PCSK5: variants seen among roughly 807,000 people sequenced by gnomAD.
The protein encoded by PCSK5 is proprotein convertase subtilisin/kexin type 5.
In PCSK5, 129 loss-of-function variants were observed where a neutral mutation model predicts 233.2. That is an observed-to-expected ratio of 0.55 (90% CI 0.48 to 0.64). The LOEUF is 0.64. Ranked by LOEUF, PCSK5 falls within the 30% of genes least tolerant of loss-of-function variation. The probability of loss-of-function intolerance (pLI) is 0.00; values close to 1 mark genes in which losing one functional copy is unlikely to be tolerated. For synonymous variants in PCSK5, 825 were observed against 879.2 expected (o/e 0.94, Z 1.09); for missense variants, 2,076 against 2,430.1 (o/e 0.85, Z 3.06).
At chr9:76,081,393 G>A (rs147705233) in intron 7 of PCSK5, among the ~76,000 whole-genome samples, 3,468 of 152,176 alleles carry the variant, frequency 0.023, 58 homozygotes, top group Non-Finnish European at 0.033. Context: ...GGCAGAGTTT[G>A]CAGTGAGTTG....
At chr9:76,357,303 G>A (rs1176633800) in intron 37 of PCSK5, among the ~76,000 whole-genome samples, 3 of 152,138 alleles carry the variant, frequency 2.0e-5, no homozygotes, top group Non-Finnish European at 2.9e-5. Context: ...GATCACCTGA[G>A]GTCAGGAATT....
intron 24 of PCSK5, among the ~76,000 whole-genome samples, chr9:76,289,022 G>C (rs1208576183): frequency 1.3e-5 from 2 of 152,180 alleles, no homozygotes; most frequent in Admixed American, 6.5e-5. Context: ...CCATGGGACA[G>C]TGAGTTCGTG....
In PCSK5 at chr9:75,891,092, C is replaced by G. The variant is rs1415188580; in HGVS notation, c.-90C>G. ...AGCTGCGGCGGCCCGGGGCTGCTCG[C>G]CGGGCGGCGCAGGCCGGAGAAGTTA... is the stretch of plus-strand genomic sequence containing the variant. On this transcript the variant is annotated 5_prime_UTR_variant, in exon 1 of 38. Coordinates refer to ENST00000674117, the MANE Select transcript of PCSK5 (RefSeq NM_001372043.1). 2.3e-5 allele frequency: 28 copies of G among 1,240,586 alleles called. No individual in the cohort carries two copies. Among genetic ancestry groups the G allele is most frequent in the Non-Finnish European group, 2.8e-5 (27 of 962,270 alleles). 76.8% of individuals were successfully genotyped at this position (1,240,586 alleles called of 1,614,324 possible). A position where few individuals can be genotyped will look rare whatever the true frequency, so the allele number is the denominator to read the frequency against.
chr9:76,324,388 A>G (rs1587329871), intron 32 of PCSK5, among the ~76,000 whole-genome samples: 2 of 149,388 alleles, frequency 1.3e-5, no homozygotes, highest in East Asian at 4.0e-4. Flanking sequence ...CTGCCACCAC[A>G]CCTAGCTAAT....
At chr9:76,187,194 C>CAATT (rs1415227188) in intron 17 of PCSK5, among the ~76,000 whole-genome samples, 1 of 152,020 alleles carries the variant, frequency 6.6e-6, no homozygotes, top group East Asian at 1.9e-4. Context: ...ACAAAGCAGT[C>CAATT]AATTAAGATG....
At chr9:76,049,221 A>G (rs991307313) in intron 5 of PCSK5, among the ~76,000 whole-genome samples, 7 of 152,324 alleles carry the variant, frequency 4.6e-5, no homozygotes, top group African/African-American at 1.7e-4. Flanking sequence ...TCCTGCTCAT[A>G]AGCTCATGCA....
At chr9:75,982,190 A>G (rs1259626560) in intron 2 of PCSK5, among the ~76,000 whole-genome samples, 2 of 152,118 alleles carry the variant, frequency 1.3e-5, no homozygotes, top group Non-Finnish European at 2.9e-5. Flanking sequence ...ATTGTACTTT[A>G]CTCCATCATA....
chr9:76,010,770 G>C (rs1827697355), intron 3 of PCSK5, among the ~76,000 whole-genome samples: 1 of 152,194 alleles, frequency 6.6e-6, no homozygotes, highest in Non-Finnish European at 1.5e-5. Flanking sequence ...AACATGCTTG[G>C]AAAACTATGT....
At chr9:76,137,377 G>A (rs542629907) in intron 10 of PCSK5, among the ~76,000 whole-genome samples, 1 of 152,188 alleles carries the variant, frequency 6.6e-6, no homozygotes, top group South Asian at 2.1e-4. Flanking sequence ...AGAGAGGGAA[G>A]ACACATGTAA....
intron 6 of PCSK5, among the ~76,000 whole-genome samples, chr9:76,070,919 A>C (rs531922281): frequency 1.3e-5 from 2 of 152,324 alleles, no homozygotes; most frequent in African/African-American, 4.8e-5. Context: ...GATGGTGTTT[A>C]ATTTAAACTG....
intron 3 of PCSK5, among the ~76,000 whole-genome samples, chr9:76,001,716 G>C (rs1827270410): frequency 6.6e-6 from 1 of 152,116 alleles, no homozygotes; most frequent in Non-Finnish European, 1.5e-5. Flanking sequence ...TAATGTGCCT[G>C]TTTTAGAAAG....
In PCSK5 at chr9:76,238,984, G is replaced by A. The variant is rs771426375; in HGVS notation, c.2892G>A (p.Leu964=). 5.6e-6 allele frequency: 9 copies of A among 1,612,170 alleles called. No individual in the cohort carries two copies. In the Admixed American group the frequency reaches 6.7e-5, roughly 12 times the overall value. The part of the protein sequence containing the change: ...GADNYGREHF[L]YQGECGDSCP... The stretch of plus-strand genomic sequence containing the variant: ...ACAACTATGGCCGAGAGCACTTCCT[G>A]TACCAGGGAGAGTGTGGAGATAGCT... Residue 964 remains leucine, a synonymous_variant, in exon 23 of 38, where the codon CTG becomes CTA. Transcript: ENST00000674117.
chr9:76,117,594 C>T (rs1323848397), intron 9 of PCSK5, among the ~76,000 whole-genome samples: 3 of 152,118 alleles, frequency 2.0e-5, no homozygotes, highest in African/African-American at 7.2e-5. Flanking sequence ...CTTGCAATCA[C>T]AACCAAGCCT....
intron 7 of PCSK5, among the ~76,000 whole-genome samples, chr9:76,095,359 C>G (rs1831464919): frequency 6.6e-6 from 1 of 152,044 alleles, no homozygotes; most frequent in Non-Finnish European, 1.5e-5. Flanking sequence ...ATAATAGCAC[C>G]CAATTCATGG....
chr9:76,104,315 T>C (rs1831889425), intron 8 of PCSK5, among the ~76,000 whole-genome samples: 1 of 152,176 alleles, frequency 6.6e-6, no homozygotes, highest in Non-Finnish European at 1.5e-5. Flanking sequence ...GGAGTGGGGA[T>C]GTTTTTGTTT....
intron 20 of PCSK5, among the ~76,000 whole-genome samples, chr9:76,220,159 G>A (rs566594818): frequency 2.6e-5 from 4 of 152,222 alleles, no homozygotes; most frequent in East Asian, 1.9e-4. Flanking sequence ...CACCAACAAC[G>A]TTTTTCATGA....
intron 24 of PCSK5, among the ~76,000 whole-genome samples, chr9:76,281,744 G>C (rs1207798493): frequency 6.6e-6 from 1 of 152,152 alleles, no homozygotes; most frequent in Non-Finnish European, 1.5e-5. Context: ...CACCTCCTGG[G>C]CTCAAGCAAT....
At chr9:76,103,779 T>C (rs1831863702) in intron 8 of PCSK5, among the ~76,000 whole-genome samples, 1 of 152,170 alleles carries the variant, frequency 6.6e-6, no homozygotes, top group Admixed American at 6.5e-5. Flanking sequence ...TTTCCATCAC[T>C]CTGATGGGCA....
chr9:75,955,047 C>T (rs145939518), intron 2 of PCSK5, among the ~76,000 whole-genome samples: 1,582 of 152,224 alleles, frequency 0.01, 25 homozygotes, highest in African/African-American at 0.036. Flanking sequence ...CACATTAATT[C>T]GGACTGCCTA....
Sources: allele counts gnomAD v4.1 joint callset (sites outside exome capture counted in the v4.1 genomes callset), GRCh38; gene constraint gnomAD v4.1.1; transcripts MANE v1.5; gene names NCBI Gene and HGNC (gene_info 2026-07-23, HGNC 2026-07-21).